BBIP1: variants seen among roughly 807,000 people sequenced by gnomAD.
BBIP1 encodes BBSome interacting protein 1.
A neutral mutation model predicts 8.9 loss-of-function variants in BBIP1; 6 were observed. The observed-to-expected ratio is 0.67, with a 90% CI of 0.37 to 1.33. The LOEUF (loss-of-function observed/expected upper bound fraction) is 1.33. Ranked by LOEUF, BBIP1 falls within the 40% of genes most tolerant of loss-of-function variation. The probability of loss-of-function intolerance (pLI) is 0.02; values close to 1 mark genes in which losing one functional copy is unlikely to be tolerated. For missense variants in BBIP1, 111 were observed against 109.2 expected (o/e 1.02, Z -0.07); for synonymous variants, 32 against 33.4 (o/e 0.96, Z 0.14).
In BBIP1 at chr10:110,918,105, C is replaced by G; in HGVS notation, c.37+16G>C. ...GTATTGTTGACTGGCTGGATATTAA[C>G]CATTTTCAATTTTACCTGAAAGTTC... On this transcript the variant is annotated intron_variant, in intron 2 of 3. Transcript: ENST00000448814. The G allele has an allele frequency of 6.5e-7, 1 of 1,534,570 alleles. No individual in the cohort carries two copies. Among genetic ancestry groups the G allele is most frequent in the Non-Finnish European group, 8.7e-7 (1 of 1,145,512 alleles).
At chr10:110,912,142 GCTTTTCTTTT>G (rs555865180) in intron 2 of BBIP1, 1 of 149,614 alleles carries the variant, frequency 6.7e-6, no homozygotes, top group Admixed American at 6.6e-5. Context: ...CCAACATGTA[GCTTTTCTTTT>G]CTTTTCTTTT....
intron 2 of BBIP1, among the ~76,000 whole-genome samples, chr10:110,913,671 T>C (rs1053776019): frequency 3.3e-5 from 5 of 152,240 alleles, no homozygotes; most frequent in Non-Finnish European, 5.9e-5. Context: ...AATTTTAATC[T>C]ACCTTGAATT....
intron 2 of BBIP1, among the ~76,000 whole-genome samples, chr10:110,917,128 CAG>C (rs1002031917): frequency 5.4e-5 from 8 of 147,898 alleles, no homozygotes; most frequent in African/African-American, 1.8e-4. Context: ...GCCAATGTCA[CAG>C]GGGGAAAAAA....
Position 110,918,424 on chromosome 10 carries a change from G to A in BBIP1, c.-56-211C>T, listed in dbSNP as rs1428030648. ...GCAGGTGGCAGGGGAAAAAGATTGA[G>A]GTCCTGCCCTGGTGGTAGGGGCTCA... On this transcript the variant is annotated intron_variant, in intron 1 of 3. Coordinates refer to ENST00000448814, the MANE Select transcript of BBIP1 (RefSeq NM_001195305.3). Among the ~76,000 whole-genome samples, 9 of 152,356 alleles carry A rather than the reference G, an allele frequency of 5.9e-5. No homozygotes were observed. The East Asian group carries it at 1.2e-3, about 20-fold the overall frequency.
chr10:110,911,276 G>A (rs568725566), intron 2 of BBIP1: 2 of 152,164 alleles, frequency 1.3e-5, no homozygotes, highest in African/African-American at 4.8e-5. Flanking sequence ...AAACCTATGG[G>A]CAAGCAAAAA....
In BBIP1 at chr10:110,900,278, T is replaced by C; in HGVS notation, c.*82A>G. 3 of 1,292,642 alleles carry C rather than the reference T, an allele frequency of 2.3e-6. No homozygotes were observed. The highest frequency in any genetic ancestry group is 3.1e-6 in the Non-Finnish European group (3 of 966,078). 80.1% of individuals were successfully genotyped at this position (1,292,642 alleles called of 1,614,324 possible). A position where few individuals can be genotyped will look rare whatever the true frequency, so the allele number is the denominator to read the frequency against. ...CAATTTTATTGATAACACATACTAC[T>C]TTCAGCACACAGAAGCATATTTTCT... On this transcript the variant is annotated 3_prime_UTR_variant, in exon 4 of 4. Transcript: ENST00000448814.
intron 2 of BBIP1, chr10:110,902,432 C>T (rs1846027261): frequency 6.6e-6 from 1 of 152,216 alleles, no homozygotes; most frequent in African/African-American, 2.4e-5. Context: ...ACGGTCCCAC[C>T]CACTCAGTGA....
At chr10:110,905,942 CT>C (rs1393056024) in intron 2 of BBIP1, among the ~76,000 whole-genome samples, 1 of 151,150 alleles carries the variant, frequency 6.6e-6, no homozygotes, top group East Asian at 1.9e-4. Flanking sequence ...TTTATATCAT[CT>C]TTTTTTCTTC....
chr10:110,907,440 G>A (rs1590752402), intron 2 of BBIP1: 1 of 302,472 alleles, frequency 3.3e-6, no homozygotes, highest in African/African-American at 2.2e-5. Context: ...GCTTGAGCCT[G>A]AGTTTTAGGT....
chr10:110,898,845 T>A lies in BBIP1; in HGVS notation c.*1515A>T, dbSNP rs1214233230. Reference sequence around the variant, plus strand: ...GCATATTTGAACCTAGTCAATTTAATCTTAGTGTTCCCTTGAAAACTTTTT... The same window carrying A: ...GCATATTTGAACCTAGTCAATTTAAACTTAGTGTTCCCTTGAAAACTTTTT... On this transcript the variant is annotated 3_prime_UTR_variant, in exon 4 of 4. Transcript: ENST00000448814. 3 of 152,590 alleles carry A rather than the reference T, an allele frequency of 2.0e-5. No homozygotes were observed. Among genetic ancestry groups the A allele is most frequent in the Non-Finnish European group, 4.4e-5 (3 of 68,032 alleles). 9.5% of individuals were successfully genotyped at this position (152,590 alleles called of 1,614,324 possible).
At chr10:110,910,007 T>G (rs766414818) in intron 2 of BBIP1, among the ~76,000 whole-genome samples, 1 of 152,146 alleles carries the variant, frequency 6.6e-6, no homozygotes, top group Non-Finnish European at 1.5e-5. Context: ...ATGAGACACA[T>G]GTAAATAATT....
chr10:110,914,716 C>T (rs1846358179), intron 2 of BBIP1, among the ~76,000 whole-genome samples: 1 of 152,244 alleles, frequency 6.6e-6, no homozygotes, highest in South Asian at 2.1e-4. Flanking sequence ...AATTCAAGCT[C>T]ATGTGAATAA....
intron 3 of BBIP1, 79 bp from the exon 4 acceptor site, chr10:110,900,605 G>T: frequency 8.3e-7 from 1 of 1,211,804 alleles, no homozygotes; most frequent in Non-Finnish European, 1.1e-6. Context: ...CTAGAATGAA[G>T]GTCTAAAAAA....
chr10:110,917,874 A>G (rs918811663), intron 2 of BBIP1: 4 of 552,446 alleles, frequency 7.2e-6, no homozygotes, highest in Non-Finnish European at 9.7e-6. Flanking sequence ...TGTACAAAAA[A>G]TGCTAAACTC....
chr10:110,910,110 G>A (rs1215131876), intron 2 of BBIP1, among the ~76,000 whole-genome samples: 2 of 152,162 alleles, frequency 1.3e-5, no homozygotes, highest in Admixed American at 1.3e-4. Context: ...AGGGGACAAC[G>A]GGTGGTCTCT....
Position 110,899,184 on chromosome 10 carries a change from A to G in BBIP1, c.*1176T>C, listed in dbSNP as rs962020555. ...TAGCCTAATAACTCAGCAAGGCCTCAACGTCTGTGCTAATTTAAACTGCCA... is the reference window on the plus strand; with the variant it reads ...TAGCCTAATAACTCAGCAAGGCCTCGACGTCTGTGCTAATTTAAACTGCCA... On this transcript the variant is annotated 3_prime_UTR_variant, in exon 4 of 4. Transcript: ENST00000448814. 1 of 152,232 alleles carries G rather than the reference A, an allele frequency of 6.6e-6. No homozygotes were observed. The highest frequency in any genetic ancestry group is 2.4e-5 in the African/African-American group (1 of 41,460). 9.4% of individuals were successfully genotyped at this position (152,232 alleles called of 1,614,324 possible).
chr10:110,909,301 G>A (rs752034780), intron 2 of BBIP1, among the ~76,000 whole-genome samples: 4 of 152,026 alleles, frequency 2.6e-5, no homozygotes, highest in Non-Finnish European at 5.9e-5. Context: ...GGGTTCAAGC[G>A]ATTCCCCAGC....
At chr10:110,909,900 A>G (rs1846234562) in intron 2 of BBIP1, among the ~76,000 whole-genome samples, 1 of 152,218 alleles carries the variant, frequency 6.6e-6, no homozygotes, top group Admixed American at 6.5e-5. Flanking sequence ...TCTTTCAACA[A>G]ACATACTAAA....
At chr10:110,914,462 G>C (rs1484427353) in intron 2 of BBIP1, among the ~76,000 whole-genome samples, 2 of 151,748 alleles carry the variant, frequency 1.3e-5, no homozygotes, top group Non-Finnish European at 2.9e-5. Flanking sequence ...ATGAGAAAAA[G>C]GTGAAAAGGG....
Sources: allele counts gnomAD v4.1 joint callset (sites outside exome capture counted in the v4.1 genomes callset), GRCh38; gene constraint gnomAD v4.1.1; transcripts MANE v1.5; gene names NCBI Gene and HGNC (gene_info 2026-07-23, HGNC 2026-07-21).